The following SAMD5 variants were observed in gnomAD, a reference collection of about 807,000 sequenced individuals.
SAMD5 encodes the protein sterile alpha motif domain-containing protein 5.
SAMD5 carries 13 observed loss-of-function variants against 11.3 expected under a neutral mutation model. The observed-to-expected ratio is 1.15, with a 90% CI of 0.75 to 1.83. The LOEUF is 1.83. Ranked by LOEUF, SAMD5 falls within the 40% of genes most tolerant of loss-of-function variation. SAMD5 has a pLI of 0.00. For missense variants in SAMD5, 255 were observed against 239.1 expected, an observed-to-expected ratio of 1.07 and a Z score of -0.44; for synonymous variants, 129 against 111.3, an observed-to-expected ratio of 1.16 and a Z score of -1.00.
the SAMD5 span, among the ~76,000 whole-genome samples, chr6:147,831,542 T>C: frequency 6.6e-6 from 1 of 152,194 alleles, no homozygotes; most frequent in Admixed American, 6.5e-5. Context: ...TTGGATTCCA[T>C]TTGAATTTAA....
At chr6:147,540,464 C>A (rs1350336097) in intron 1 of SAMD5, among the ~76,000 whole-genome samples, 1 of 152,194 alleles carries the variant, frequency 6.6e-6, no homozygotes, top group African/African-American at 2.4e-5. Context: ...AGTATCCCCA[C>A]ATAGTCACAA....
intron 1 of SAMD5, among the ~76,000 whole-genome samples, chr6:147,646,050 C>G (rs569626453): frequency 8.0e-6 from 1 of 124,286 alleles, no homozygotes; most frequent in Non-Finnish European, 1.6e-5. Context: ...ATCTATCTAT[C>G]TATCTATCTA....
the SAMD5 span, among the ~76,000 whole-genome samples, chr6:147,833,342 T>C: frequency 6.6e-5 from 10 of 152,320 alleles, no homozygotes; most frequent in Admixed American, 3.3e-4. Flanking sequence ...TCAGAATTAT[T>C]CCAAATTTGG....
At chr6:147,536,531 GT>G (rs368585131) in intron 1 of SAMD5, among the ~76,000 whole-genome samples, 23 of 149,442 alleles carry the variant, frequency 1.5e-4, no homozygotes, top group Admixed American at 2.0e-4. Context: ...AGTCCAAGAA[GT>G]TTTTTTTTTA....
At chr6:147,766,916 A>G in the SAMD5 span, among the ~76,000 whole-genome samples, 1 of 152,232 alleles carries the variant, frequency 6.6e-6, no homozygotes, top group Non-Finnish European at 1.5e-5. Context: ...CCATTGACAT[A>G]TTGGGAGAAA....
the SAMD5 span, among the ~76,000 whole-genome samples, chr6:147,794,018 A>C: frequency 1.9e-4 from 29 of 152,292 alleles, no homozygotes; most frequent in East Asian, 2.3e-3. Flanking sequence ...CCAGTAATTC[A>C]AATTCACTCT....
chr6:147,555,293 T>G (rs1420780524), intron 1 of SAMD5, among the ~76,000 whole-genome samples: 1 of 152,216 alleles, frequency 6.6e-6, no homozygotes, highest in African/African-American at 2.4e-5. Flanking sequence ...TGGCTGCATT[T>G]TCCATGTAAC....
At chr6:147,515,759 A>G (rs1788161242) in intron 1 of SAMD5, among the ~76,000 whole-genome samples, 1 of 152,202 alleles carries the variant, frequency 6.6e-6, no homozygotes, top group South Asian at 2.1e-4. Flanking sequence ...TAATAGTTGC[A>G]CTATATCAAA....
At chr6:147,801,539 C>T in the SAMD5 span, among the ~76,000 whole-genome samples, 1 of 152,180 alleles carries the variant, frequency 6.6e-6, no homozygotes, top group Admixed American at 6.5e-5. Context: ...CCAGGCTGCT[C>T]TTTGGGAGGA....
In SAMD5 at chr6:147,567,977, T is replaced by A. The variant is rs1472069675; in HGVS notation, c.*3521T>A. ...TTCATAAAGGCCAGCAGTTTTCAAG[T>A]CTGGGGAAATAGGCACATGGACAGA... is the stretch of plus-strand genomic sequence containing the variant. On this transcript the variant is annotated 3_prime_UTR_variant, in exon 2 of 2. Coordinates refer to ENST00000367474, the MANE Select transcript of SAMD5 (RefSeq NM_001030060.3). 2 of 985,488 alleles carry A rather than the reference T, an allele frequency of 2.0e-6. No homozygotes were observed. The highest frequency in any genetic ancestry group is 3.5e-5 in the African/African-American group (2 of 57,216). 61.0% of individuals were successfully genotyped at this position (985,488 alleles called of 1,614,324 possible). A position where few individuals can be genotyped will look rare whatever the true frequency, so the allele number is the denominator to read the frequency against.
At chr6:147,616,147 T>A (rs1971443) in intron 1 of SAMD5, among the ~76,000 whole-genome samples, 6,340 of 136,602 alleles carry the variant, frequency 0.046, 147 homozygotes, top group Middle Eastern at 0.081. Context: ...ATTTCATATA[T>A]ATTTATTCAT....
intron 1 of SAMD5, among the ~76,000 whole-genome samples, chr6:147,647,235 A>C (rs1208059281): frequency 6.6e-6 from 1 of 152,114 alleles, no homozygotes; most frequent in Non-Finnish European, 1.5e-5. Flanking sequence ...GATCATCATA[A>C]GGTTCTTTAT....
At chr6:147,816,301 A>AAAAAATATATATATATAT in the SAMD5 span, among the ~76,000 whole-genome samples, 23 of 66,338 alleles carry the variant, frequency 3.5e-4, no homozygotes, top group East Asian at 3.1e-3. Flanking sequence ...AAAAAAAAAA[A>AAAAAATATATATATATAT]ATATATATAT....
At chr6:147,820,750 A>T in the SAMD5 span, among the ~76,000 whole-genome samples, 1 of 152,164 alleles carries the variant, frequency 6.6e-6, no homozygotes, top group African/African-American at 2.4e-5. Flanking sequence ...TGTGCCCGGG[A>T]GTTCTATCAC....
the SAMD5 span, among the ~76,000 whole-genome samples, chr6:147,889,450 G>A: frequency 0.019 from 2,926 of 152,222 alleles, 44 homozygotes; most frequent in Non-Finnish European, 0.028. Flanking sequence ...TCTATAATCT[G>A]TGTTATTTCT....
chr6:147,586,169 C>G (rs757388110), intron 1 of SAMD5, among the ~76,000 whole-genome samples: 1 of 152,154 alleles, frequency 6.6e-6, no homozygotes, highest in Non-Finnish European at 1.5e-5. Context: ...ACATAGGGAT[C>G]ATACGCTCAT....
rs1187718649 is a variant in SAMD5, at chr6:147,540,933, GTTTTT to G, written c.460-23438_460-23434del. On this transcript the variant is annotated intron_variant, in intron 1 of 1. Coordinates refer to ENST00000367474, the MANE Select transcript of SAMD5 (RefSeq NM_001030060.3). ...CATAGCTGTGGGGTTCAAGCCACGCGTTTTTTTTTTTTTTTTTTTTTTTTTTTGAG... is the reference window on the plus strand; with the variant it reads ...CATAGCTGTGGGGTTCAAGCCACGCGTTTTTTTTTTTTTTTTTTTTTTGAG... 1.2e-3 allele frequency among the ~76,000 whole-genome samples: 80 copies of G among 64,176 alleles called. 1 individual carries two copies. Among genetic ancestry groups the G allele is most frequent in the African/African-American group, 3.8e-3 (70 of 18,638 alleles). The allele number at this position is 64,176 out of a possible 152,430, so 42.1% of individuals were successfully genotyped here. A position where few individuals can be genotyped will look rare whatever the true frequency, so the allele number is the denominator to read the frequency against.
At chr6:147,932,360 G>A in the SAMD5 span, among the ~76,000 whole-genome samples, 1 of 151,834 alleles carries the variant, frequency 6.6e-6, no homozygotes. Flanking sequence ...CTCAACCATG[G>A]CTTGGAGGAC....
chr6:147,951,538 A>G, the SAMD5 span, among the ~76,000 whole-genome samples: 3 of 152,198 alleles, frequency 2.0e-5, no homozygotes, highest in Admixed American at 6.5e-5. Flanking sequence ...ACTCAAGTAC[A>G]CAGAAATGCA....
Sources: allele counts gnomAD v4.1 joint callset (sites outside exome capture counted in the v4.1 genomes callset), GRCh38; gene constraint gnomAD v4.1.1; transcripts MANE v1.5; gene names NCBI Gene and HGNC (gene_info 2026-07-23, HGNC 2026-07-21).